Variants in MRE11 observed in about 807,000 individuals in gnomAD.
MRE11 encodes the protein double-strand break repair protein MRE11.
In MRE11, 62 loss-of-function variants were observed where a neutral mutation model predicts 91.7. The ratio of observed to expected loss-of-function variants is 0.68; its 90% CI spans 0.55 to 0.84. The LOEUF (loss-of-function observed/expected upper bound fraction) is 0.84, where lower values mean the gene tolerates loss of function less well. Ranked by LOEUF, MRE11 falls within the 40% of genes least tolerant of loss-of-function variation. The pLI is 0.00. For missense variants in MRE11, 796 were observed against 852.9 expected, an observed-to-expected ratio of 0.93 and a Z score of 0.83; for synonymous variants, 273 against 271.4, an observed-to-expected ratio of 1.01 and a Z score of -0.06.
rs587781439 is a variant in MRE11, at chr11:94,460,956, A to G, written c.1306T>C (p.Tyr436His). The G allele has an allele frequency of 5.6e-6, 9 of 1,613,740 alleles. No homozygotes were observed. The highest frequency in any genetic ancestry group is 6.8e-6 in the Non-Finnish European group (8 of 1,179,870). ...TLRVEDLVKQ[Y>H]FQTAEKNVQL... Reference sequence around the variant, plus strand: ...ATTACCTTCTCTGCGGTTTGAAAGTACTGTTTTACAAGATCTTCTACCCTT... The same window carrying G: ...ATTACCTTCTCTGCGGTTTGAAAGTGCTGTTTTACAAGATCTTCTACCCTT... Residue 436 changes from tyrosine to histidine, a missense_variant, in exon 12 of 20, where the codon TAC becomes CAC. Coordinates refer to ENST00000323929, the MANE Select transcript of MRE11 (RefSeq NM_005591.4).
chr11:94,502,064 G>C, the MRE11 span, among the ~76,000 whole-genome samples: 10 of 152,176 alleles, frequency 6.6e-5, no homozygotes, highest in East Asian at 1.9e-3. Context: ...AATATTAATA[G>C]CTAACAACTG....
rs1411202641 is a variant in MRE11 at position 94,419,874 on chromosome 11, A to T, written c.*251T>A. 3.3e-6 allele frequency: 1 copy of T among 298,712 alleles called. No individual in the cohort carries two copies. Among genetic ancestry groups the T allele is most frequent in the Non-Finnish European group, 6.3e-6 (1 of 159,562 alleles). 18.5% of individuals were successfully genotyped at this position (298,712 alleles called of 1,614,324 possible). A position where few individuals can be genotyped will look rare whatever the true frequency, so the allele number is the denominator to read the frequency against. On this transcript the variant is annotated 3_prime_UTR_variant, in exon 20 of 20. Transcript: ENST00000323929. ...ATACTGACATAGTTTTTCATTATGA[A>T]ATAGAAATGTAAAATGGTAGCTTTA...
chr11:94,462,182 G>C (rs1171134222), intron 11 of MRE11, among the ~76,000 whole-genome samples: 2 of 152,162 alleles, frequency 1.3e-5, no homozygotes, highest in Admixed American at 1.3e-4. Context: ...ATTCACAATT[G>C]CTTCAAAGAG....
Position 94,445,733 on chromosome 11 carries a change from T to C in MRE11, c.1867+77A>G, listed in dbSNP as rs185432680. On this transcript the variant is annotated intron_variant, in intron 16 of 19. Transcript: ENST00000323929. ...AACTTCCCAATGATTGCAACACAAA[T>C]AAGGGCTACCAATGGTGATTACCTT... is the stretch of plus-strand genomic sequence containing the variant. 34 of 1,058,078 alleles carry C rather than the reference T, an allele frequency of 3.2e-5. No homozygotes were observed. In the East Asian group the frequency reaches 7.6e-4, roughly 24 times the overall value. The allele number at this position is 1,058,078 out of a possible 1,614,324, so 65.5% of individuals were successfully genotyped here.
the MRE11 span, among the ~76,000 whole-genome samples, chr11:94,509,531 C>G: frequency 6.6e-6 from 1 of 152,202 alleles, no homozygotes; most frequent in South Asian, 2.1e-4. Flanking sequence ...CAACCTCTAC[C>G]TCCCGGGTTC....
At chr11:94,472,693 T>C (rs919471539) in intron 7 of MRE11, among the ~76,000 whole-genome samples, 1 of 152,142 alleles carries the variant, frequency 6.6e-6, no homozygotes, top group African/African-American at 2.4e-5. Context: ...CACAAAATTA[T>C]TTTAAAACAT....
chr11:94,446,213 G>A (rs564550948), intron 15 of MRE11, among the ~76,000 whole-genome samples: 1 of 152,136 alleles, frequency 6.6e-6, no homozygotes, highest in Admixed American at 6.5e-5. Context: ...TTCAAGACTA[G>A]CCTGGCCAAC....
intron 4 of MRE11, among the ~76,000 whole-genome samples, chr11:94,482,328 G>T (rs1173716016): frequency 1.3e-5 from 2 of 152,138 alleles, no homozygotes. Flanking sequence ...ACAGAACCAG[G>T]ATTTGAACTC....
rs1029793163 is a variant in MRE11 at position 94,444,725 on chromosome 11, G to A, written c.1867+1085C>T. 2.6e-5 allele frequency among the ~76,000 whole-genome samples: 4 copies of A among 152,052 alleles called. No homozygotes were observed. The South Asian group carries it at 8.3e-4, about 31-fold the overall frequency. On this transcript the variant is annotated intron_variant, in intron 16 of 19. Coordinates refer to ENST00000323929, the MANE Select transcript of MRE11 (RefSeq NM_005591.4). ...AGCTGTCCTTTTGGACATAAATGTG[G>A]TTTATATTACCCTTGATAAACTTCA... is the stretch of plus-strand genomic sequence containing the variant.
At chr11:94,504,295 T>A in the MRE11 span, among the ~76,000 whole-genome samples, 1 of 152,174 alleles carries the variant, frequency 6.6e-6, no homozygotes, top group Admixed American at 6.5e-5. Flanking sequence ...ATATGACTAA[T>A]TTTATTCTTT....
chr11:94,437,996 C>T (rs1025082943), intron 16 of MRE11, among the ~76,000 whole-genome samples: 2 of 152,014 alleles, frequency 1.3e-5, no homozygotes, highest in Non-Finnish European at 2.9e-5. Context: ...GGCATGGTGG[C>T]AGGTGCCTGT....
chr11:94,495,018 G>T (rs1401823383), upstream of MRE11, among the ~76,000 whole-genome samples: 1 of 152,130 alleles, frequency 6.6e-6, no homozygotes, highest in African/African-American at 2.4e-5. Flanking sequence ...GATTCCAAGG[G>T]TGTCTCTGAT....
chr11:94,442,878 C>A (rs894721984), intron 16 of MRE11, among the ~76,000 whole-genome samples: 1 of 152,176 alleles, frequency 6.6e-6, no homozygotes, highest in South Asian at 2.1e-4. Context: ...CTTTCTTCCT[C>A]TCTGCTTTTA....
At chr11:94,455,073 T>C (rs948598770) in intron 14 of MRE11, among the ~76,000 whole-genome samples, 5 of 152,204 alleles carry the variant, frequency 3.3e-5, no homozygotes, top group Non-Finnish European at 7.4e-5. Context: ...TCTGATGTGT[T>C]GCATGACACT....
In MRE11 at chr11:94,423,064, C is replaced by G. The variant is rs151236008; in HGVS notation, c.2071-2883G>C. ...AGTGGAAGAAGGACAAGATGGCCAA[C>G]TAGACAGGGCCAAGAAGCACCACTG... is the stretch of plus-strand genomic sequence containing the variant. On this transcript the variant is annotated intron_variant, in intron 19 of 19. Transcript: ENST00000323929. Among the ~76,000 whole-genome samples, 837 of 152,230 alleles carry G rather than the reference C, an allele frequency of 5.5e-3. 13 individuals are homozygous for G. Among genetic ancestry groups the G allele is most frequent in the African/African-American group, 0.019 (800 of 41,514 alleles).
chr11:94,501,927 T>G, the MRE11 span, among the ~76,000 whole-genome samples: 1 of 152,302 alleles, frequency 6.6e-6, no homozygotes, highest in Non-Finnish European at 1.5e-5. Context: ...GAAATCATAT[T>G]GTTTTTTTAA....
chr11:94,444,298 T>C (rs1023731151), intron 16 of MRE11, among the ~76,000 whole-genome samples: 1 of 152,192 alleles, frequency 6.6e-6, no homozygotes, highest in African/African-American at 2.4e-5. Context: ...AGGAGTACAG[T>C]ATCCTTGGCA....
chr11:94,449,992 G>A (rs1198540233), intron 14 of MRE11, among the ~76,000 whole-genome samples: 3 of 152,132 alleles, frequency 2.0e-5, no homozygotes, highest in Non-Finnish European at 2.9e-5. Flanking sequence ...CTTTGGTAAT[G>A]TGGTGTTTTC....
At chr11:94,512,408 C>T in the MRE11 span, 5 of 1,116,616 alleles carry the variant, frequency 4.5e-6, no homozygotes, top group Non-Finnish European at 5.7e-6. Flanking sequence ...CTCGGAAGGC[C>T]GGCTGGGGGC....
Sources: allele counts gnomAD v4.1 joint callset (sites outside exome capture counted in the v4.1 genomes callset), GRCh38; gene constraint gnomAD v4.1.1; transcripts MANE v1.5; gene names NCBI Gene and HGNC (gene_info 2026-07-23, HGNC 2026-07-21).